ATP2C2: variants seen among roughly 807,000 people sequenced by gnomAD.
The protein encoded by ATP2C2 is calcium-transporting ATPase type 2C member 2.
A neutral mutation model predicts 110.8 loss-of-function variants in ATP2C2; 171 were observed. That is an observed-to-expected ratio of 1.54 (90% CI 1.36 to 1.75). ATP2C2 has a LOEUF of 1.75. ATP2C2 is among the 40% of genes most tolerant of loss of function. The pLI, the probability that ATP2C2 is intolerant of heterozygous loss-of-function variation, is 0.00. For synonymous variants in ATP2C2, 804 were observed against 508.4 expected, an observed-to-expected ratio of 1.58 and a Z score of -7.82; for missense variants, 1,963 against 1,235.0, an observed-to-expected ratio of 1.59 and a Z score of -8.84.
intron 20 of ATP2C2, 118 bp downstream of exon 20, chr16:84,453,489 T>C: frequency 7.2e-7 from 1 of 1,379,362 alleles, no homozygotes; most frequent in Non-Finnish European, 1.0e-6. Context: ...GGCTTCCTTC[T>C]CTAGGTCCAG....
At chr16:84,459,425 C>G (rs1412349618) in intron 23 of ATP2C2, 39 bp downstream of exon 23, 5 of 1,607,758 alleles carry the variant, frequency 3.1e-6, no homozygotes, top group South Asian at 1.1e-5. Flanking sequence ...GTCTCTTTAC[C>G]CACCTGCGGG....
intron 17 of ATP2C2, among the ~76,000 whole-genome samples, chr16:84,451,502 A>C (rs1217233627): frequency 2.0e-5 from 3 of 152,280 alleles, no homozygotes; most frequent in African/African-American, 7.2e-5. Flanking sequence ...TTGTTGCCTG[A>C]GCCCTCTGCA....
At chr16:84,422,295 C>T in intron 7 of ATP2C2, 95 bp from the exon 8 acceptor site, 1 of 1,415,260 alleles carries the variant, frequency 7.1e-7, no homozygotes, top group Non-Finnish European at 9.7e-7. Flanking sequence ...TTCTTGAGTT[C>T]ATGTCCATGA....
chr16:84,458,429 G>A (rs558691459), intron 21 of ATP2C2, among the ~76,000 whole-genome samples: 146 of 141,810 alleles, frequency 1.0e-3, no homozygotes, highest in African/African-American at 3.6e-3. Context: ...GCACCAGCAT[G>A]GCACATGTAT....
rs2150599323 is a variant in ATP2C2 at position 84,460,724 on chromosome 16, A to G, written c.2404A>G (p.Ser802Gly). 1 of 1,614,212 alleles carries G rather than the reference A, an allele frequency of 6.2e-7. No individual in the cohort carries two copies. The highest frequency in any genetic ancestry group is 8.5e-7 in the Non-Finnish European group (1 of 1,180,038). The part of the protein sequence containing the change: ...PPRSVRDTIL[S>G]RALILKILMS... ...ACGGAGTGTGCGGGACACCATCCTC[A>G]GCAGAGCCCTCATCCTGAAGATCCT... is the stretch of plus-strand genomic sequence containing the variant. Residue 802 changes from serine (S) to glycine (G), a missense_variant, in exon 24 of 27, where the codon AGC becomes GGC. By Grantham distance (56) the Ser-to-Gly change is moderately conservative (BLOSUM62 0). Coordinates refer to ENST00000262429, the MANE Select transcript of ATP2C2 (RefSeq NM_014861.4).
rs1015715157 is a variant in ATP2C2, at chr16:84,439,364, TG to T, written c.1112-58del. The T allele has an allele frequency of 2.5e-6, 4 of 1,612,052 alleles. No individual in the cohort carries two copies. In the African/African-American group the frequency reaches 4.0e-5, roughly 16 times the overall value. On this transcript the variant is annotated intron_variant, in intron 12 of 26. Transcript: ENST00000262429. ...GCTTGGCTGTCAGGGCAATCCAGCC[TG>T]GGGGTTTCACAAGCCTGAGGATGGC...
chr16:84,428,547 CA>C (rs1038179276), intron 11 of ATP2C2, among the ~76,000 whole-genome samples: 4 of 151,268 alleles, frequency 2.6e-5, no homozygotes, highest in African/African-American at 4.9e-5. Context: ...TGAGAGCACA[CA>C]AAAAAAACAT....
Position 84,410,711 on chromosome 16 carries a change from G to C in ATP2C2, c.461G>C (p.Arg154Thr). Residue 154 changes from arginine to threonine, a missense_variant, in exon 6 of 27, where the codon AGG becomes ACG. Arg to Thr is a moderately conservative substitution (Grantham distance 71). Transcript: ENST00000262429. ...VVTVAFIQEYRSEKSLEELTK... is the reference protein window; with the variant it reads ...VVTVAFIQEYTSEKSLEELTK... ...TGATGTGCTTCCTGCCAGGAGTACA[G>C]GTCGGAGAAATCTCTGGAAGAGCTG... is the stretch of plus-strand genomic sequence containing the variant. The C allele has an allele frequency of 6.2e-7, 1 of 1,614,182 alleles. No homozygotes were observed. The highest frequency in any genetic ancestry group is 8.5e-7 in the Non-Finnish European group (1 of 1,180,022).
At chr16:84,399,842 G>A (rs1384244316) in intron 2 of ATP2C2, among the ~76,000 whole-genome samples, 4 of 152,122 alleles carry the variant, frequency 2.6e-5, no homozygotes, top group African/African-American at 7.2e-5. Flanking sequence ...TGTCATGCCA[G>A]CAAATACTAG....
intron 11 of ATP2C2, among the ~76,000 whole-genome samples, chr16:84,437,832 C>T (rs948095851): frequency 5.3e-5 from 8 of 152,184 alleles, no homozygotes; most frequent in Admixed American, 1.3e-4. Context: ...ATTTTCTTAT[C>T]GCCTCAAAAA....
At chr16:84,408,331 C>T in intron 3 of ATP2C2, 74 bp from the exon 4 acceptor site, 2 of 1,439,752 alleles carry the variant, frequency 1.4e-6, no homozygotes, top group Admixed American at 1.7e-5. Flanking sequence ...GTCACACAAA[C>T]TTCTGCACAG....
chr16:84,419,745 G>T (rs185221388), intron 7 of ATP2C2, among the ~76,000 whole-genome samples: 2 of 152,092 alleles, frequency 1.3e-5, no homozygotes, highest in East Asian at 3.9e-4. Context: ...GCTGGGTACC[G>T]AGGACACCGT....
At chr16:84,400,597 G>C (rs564920653) in intron 2 of ATP2C2, among the ~76,000 whole-genome samples, 2 of 152,286 alleles carry the variant, frequency 1.3e-5, no homozygotes, top group Admixed American at 1.3e-4. Flanking sequence ...AAAGTGCTGG[G>C]ATTACAGGCA....
chr16:84,398,674 C>T, intron 2 of ATP2C2, 65 bp downstream of exon 2: 1 of 1,329,422 alleles, frequency 7.5e-7, no homozygotes. Context: ...GAAAGCAACA[C>T]AAAGCCCTGA....
chr16:84,408,770 G>A (rs1206158493), intron 4 of ATP2C2, among the ~76,000 whole-genome samples: 1 of 152,036 alleles, frequency 6.6e-6, no homozygotes, highest in African/African-American at 2.4e-5. Context: ...ACCCTGGGAT[G>A]AGGGGAATAG....
intron 1 of ATP2C2, among the ~76,000 whole-genome samples, chr16:84,395,877 C>G (rs1401717982): frequency 6.6e-6 from 1 of 152,078 alleles, no homozygotes; most frequent in Non-Finnish European, 1.5e-5. Flanking sequence ...AAGGGTATGG[C>G]TCTCTGGCAT....
rs114538554 is a variant in ATP2C2, at chr16:84,460,812, G to A, written c.2481+11G>A. 4,525 of 1,606,626 alleles carry A rather than the reference G, an allele frequency of 2.8e-3. 115 individuals carry two copies. The African/African-American group carries it at 0.054, about 19-fold the overall frequency. On this transcript the variant is annotated intron_variant, in intron 24 of 26. Coordinates refer to ENST00000262429, the MANE Select transcript of ATP2C2 (RefSeq NM_014861.4). ...ATCTTCTGGAAGGAGGTGAGCGAGGGTCACCCCGGCCTGTTCTCCAAGCCC... is the reference window on the plus strand; with the variant it reads ...ATCTTCTGGAAGGAGGTGAGCGAGGATCACCCCGGCCTGTTCTCCAAGCCC...
chr16:84,422,743 G>C (rs1223995818), intron 9 of ATP2C2, 46 bp downstream of exon 9: 1 of 1,560,918 alleles, frequency 6.4e-7, no homozygotes, highest in Admixed American at 1.9e-5. Flanking sequence ...GCTGGAGTTT[G>C]AGATTATTAT....
Position 84,385,985 on chromosome 16 carries a change from A to C in ATP2C2, c.100-12514A>C, listed in dbSNP as rs146333480. 6.8e-3 allele frequency among the ~76,000 whole-genome samples: 1,038 copies of C among 152,252 alleles called. 5 individuals are homozygous for C. The highest frequency in any genetic ancestry group is 9.5e-3 in the Non-Finnish European group (649 of 68,014). ...CTATCAATATTTATTTTGATGCTTC[A>C]TTGTCTTAATTTGGCCAACGGGAAC... On this transcript the variant is annotated intron_variant, in intron 1 of 26. Transcript: ENST00000262429.
Sources: gnomAD v4.1 joint callset for allele counts (sites outside exome capture counted in the v4.1 genomes callset) on GRCh38, gnomAD v4.1.1 for gene constraint, MANE v1.5 for transcripts, NCBI Gene and HGNC (gene_info 2026-07-23, HGNC 2026-07-21) for gene names.